The following SGCZ variants were observed in gnomAD, a reference collection of about 807,000 sequenced individuals.
The protein encoded by SGCZ is sarcoglycan zeta, also known as zeta-sarcoglycan.
SGCZ carries 40 observed loss-of-function variants against 41.3 expected under a neutral mutation model. The ratio of observed to expected loss-of-function variants is 0.97; its 90% CI spans 0.75 to 1.26. The LOEUF is 1.26. Ranked by LOEUF, SGCZ falls within the 50% of genes most tolerant of loss-of-function variation. SGCZ has a pLI of 0.00. For synonymous variants in SGCZ, 206 were observed against 137.5 expected, an observed-to-expected ratio of 1.50 and a Z score of -3.49; for missense variants, 552 against 369.8, an observed-to-expected ratio of 1.49 and a Z score of -4.04.
At chr8:14,442,308 A>G (rs1178114998) in intron 2 of SGCZ, among the ~76,000 whole-genome samples, 1 of 152,146 alleles carries the variant, frequency 6.6e-6, no homozygotes. Flanking sequence ...ATGGTTTTAT[A>G]AAAGGGAGTT....
intron 2 of SGCZ, among the ~76,000 whole-genome samples, chr8:14,549,302 T>C (rs1803728337): frequency 6.6e-6 from 1 of 151,970 alleles, no homozygotes. Flanking sequence ...CGGACAGAAA[T>C]TATGCTGTTT....
intron 4 of SGCZ, among the ~76,000 whole-genome samples, chr8:14,235,514 C>G (rs76663305): frequency 0.039 from 5,864 of 152,172 alleles, 395 homozygotes; most frequent in African/African-American, 0.13. Context: ...CAGTTTGGAA[C>G]GGTAACTGAA....
In SGCZ at chr8:14,129,188, A is replaced by C. The variant is rs1034845723; in HGVS notation, c.548-20953T>G. On this transcript the variant is annotated intron_variant, in intron 5 of 7. Transcript: ENST00000382080. ...ATGGTGAAACCCCTCTCTACTAAAA[A>C]TACAAAAAAAAGCTGGGTGTGGTGG... Among the ~76,000 whole-genome samples, 4 of 141,384 alleles carry C rather than the reference A, an allele frequency of 2.8e-5. No homozygotes were observed. The Admixed American group carries it at 2.9e-4, about 10-fold the overall frequency. The allele number at this position is 141,384 out of a possible 152,430, so 92.8% of individuals were successfully genotyped here.
intron 1 of SGCZ, among the ~76,000 whole-genome samples, chr8:14,628,323 G>A (rs548337239): frequency 2.0e-4 from 30 of 146,592 alleles, no homozygotes; most frequent in African/African-American, 7.2e-4. Context: ...TTACCTATAA[G>A]GAAAGAAAAT....
At chr8:14,261,101 AT>A (rs1349135763) in intron 3 of SGCZ, among the ~76,000 whole-genome samples, 1 of 84,232 alleles carries the variant, frequency 1.2e-5, no homozygotes, top group African/African-American at 2.8e-5. Flanking sequence ...GTATAATAAA[AT>A]AAAAAAAAAG....
In SGCZ at chr8:14,165,861, A is replaced by C. The variant is rs111818683; in HGVS notation, c.425-1159T>G. 9.9e-3 allele frequency among the ~76,000 whole-genome samples: 1,506 copies of C among 152,252 alleles called. 19 individuals are homozygous for C. Among genetic ancestry groups the C allele is most frequent in the African/African-American group, 0.034 (1,417 of 41,546 alleles). On this transcript the variant is annotated intron_variant, in intron 4 of 7. Transcript: ENST00000382080. ...TAGTAGCACCAGTAGATGAATATTA[A>C]ATAGATGAATGAATACTTAAGCTTT... is the stretch of plus-strand genomic sequence containing the variant.
chr8:14,294,283 G>C (rs746254688), intron 3 of SGCZ, among the ~76,000 whole-genome samples: 15 of 151,724 alleles, frequency 9.9e-5, no homozygotes, highest in African/African-American at 3.4e-4. Flanking sequence ...GAGAAAGGTA[G>C]AAATATGTCA....
chr8:14,484,717 A>G (rs1236216361), intron 2 of SGCZ, among the ~76,000 whole-genome samples: 1 of 152,172 alleles, frequency 6.6e-6, no homozygotes, highest in Non-Finnish European at 1.5e-5. Context: ...TCAATTTTAA[A>G]ATATTGTGCC....
At chr8:15,165,148 G>A (rs1448565221) in intron 1 of SGCZ, among the ~76,000 whole-genome samples, 1 of 152,100 alleles carries the variant, frequency 6.6e-6, no homozygotes, top group Non-Finnish European at 1.5e-5. Context: ...AAATTAGCCA[G>A]GCGTGGTGGT....
chr8:14,182,423 T>G (rs557205358), intron 4 of SGCZ, among the ~76,000 whole-genome samples: 1 of 152,156 alleles, frequency 6.6e-6, no homozygotes, highest in South Asian at 2.1e-4. Flanking sequence ...AAAAGCAATT[T>G]AGAGACAGGA....
intron 1 of SGCZ, among the ~76,000 whole-genome samples, chr8:14,859,707 A>G (rs1274182185): frequency 6.6e-6 from 1 of 152,192 alleles, no homozygotes; most frequent in East Asian, 1.9e-4. Context: ...TCTGCATGAT[A>G]TATGTATTGC....
At chr8:14,763,234 T>C (rs1366743878) in intron 1 of SGCZ, among the ~76,000 whole-genome samples, 2 of 152,134 alleles carry the variant, frequency 1.3e-5, no homozygotes, top group Non-Finnish European at 2.9e-5. Context: ...TAGGAGCGTC[T>C]TATATTATTG....
chr8:14,297,261 T>C lies in SGCZ; in HGVS notation c.336+26842A>G, dbSNP rs188413016. ...TTTAAAATCTTATAATTTGAGGATATAGATATAGAAAGCTAAAAATTGAGA... is the reference window on the plus strand; with the variant it reads ...TTTAAAATCTTATAATTTGAGGATACAGATATAGAAAGCTAAAAATTGAGA... On this transcript the variant is annotated intron_variant, in intron 3 of 7. Coordinates refer to ENST00000382080, the MANE Select transcript of SGCZ (RefSeq NM_139167.4). Among the ~76,000 whole-genome samples the C allele has an allele frequency of 3.4e-3, 516 of 152,128 alleles. 2 individuals are homozygous for C. The highest frequency in any genetic ancestry group is 4.8e-3 in the Non-Finnish European group (325 of 68,006).
At chr8:14,144,176 A>G (rs1004101168) in intron 5 of SGCZ, among the ~76,000 whole-genome samples, 3 of 152,196 alleles carry the variant, frequency 2.0e-5, no homozygotes, top group Non-Finnish European at 4.4e-5. Context: ...TAATACTGGC[A>G]TCATCCGTCC....
At chr8:14,152,064 T>A (rs7825381) in intron 5 of SGCZ, among the ~76,000 whole-genome samples, 1 of 151,816 alleles carries the variant, frequency 6.6e-6, no homozygotes, top group Non-Finnish European at 1.5e-5. Flanking sequence ...ACAATTCATT[T>A]AAAAAAATAG....
chr8:14,146,750 T>C (rs957828215), intron 5 of SGCZ, among the ~76,000 whole-genome samples: 21 of 147,254 alleles, frequency 1.4e-4, no homozygotes, highest in Admixed American at 3.4e-4. Flanking sequence ...CGGGCGCCTG[T>C]AGTCCCAGCT....
chr8:14,412,530 T>C (rs1262694344), intron 2 of SGCZ, among the ~76,000 whole-genome samples: 2 of 152,142 alleles, frequency 1.3e-5, no homozygotes, highest in African/African-American at 4.8e-5. Flanking sequence ...GCAGCTGTTC[T>C]GTTTAAATAA....
At chr8:14,365,086 G>A (rs755888418) in intron 2 of SGCZ, among the ~76,000 whole-genome samples, 123 of 151,792 alleles carry the variant, frequency 8.1e-4, no homozygotes, top group Non-Finnish European at 1.4e-3. Flanking sequence ...TCTCTATATT[G>A]TAAACAGCAT....
At chr8:14,722,285 G>C (rs1809911612) in intron 1 of SGCZ, among the ~76,000 whole-genome samples, 1 of 152,068 alleles carries the variant, frequency 6.6e-6, no homozygotes, top group Non-Finnish European at 1.5e-5. Flanking sequence ...ATGTAGGAGA[G>C]AAACAGTATT....
Sources: allele counts gnomAD v4.1 joint callset (sites outside exome capture counted in the v4.1 genomes callset), GRCh38; gene constraint gnomAD v4.1.1; transcripts MANE v1.5; gene names NCBI Gene and HGNC (gene_info 2026-07-23, HGNC 2026-07-21).